PDLIM7: variants seen among roughly 807,000 people sequenced by gnomAD.
PDLIM7 encodes the protein PDZ and LIM domain protein 7.
Under a neutral mutation model 53.9 loss-of-function variants are expected in PDLIM7, and 37 were observed. The ratio of observed to expected loss-of-function variants is 0.69; its 90% CI spans 0.53 to 0.90. PDLIM7 has a LOEUF of 0.90. Among genes scored for constraint, PDLIM7 ranks in the 40% least tolerant of loss-of-function variants. PDLIM7 has a pLI of 0.00. For synonymous variants in PDLIM7, 300 were observed against 261.3 expected, an observed-to-expected ratio of 1.15 and a Z score of -1.43; for missense variants, 617 against 638.5, an observed-to-expected ratio of 0.97 and a Z score of 0.36.
chr5:177,486,837 T>C (rs1003724977), intron 10 of PDLIM7, among the ~76,000 whole-genome samples: 3 of 151,396 alleles, frequency 2.0e-5, no homozygotes, highest in Admixed American at 1.3e-4. Flanking sequence ...TTCACCGTGT[T>C]AGCCAGGATG....
chr5:177,490,661 G>A (rs1581758762), intron 7 of PDLIM7: 1 of 1,100,572 alleles, frequency 9.1e-7, no homozygotes, highest in South Asian at 1.4e-5. Flanking sequence ...CAGGGAGGGA[G>A]GAGGGAAGGA....
intron 6 of PDLIM7, 43 bp from the exon 7 acceptor site, chr5:177,490,949 T>C: frequency 6.2e-7 from 1 of 1,613,650 alleles, no homozygotes; most frequent in East Asian, 2.2e-5. Context: ...AGACACAGGG[T>C]CAGGGATCAC....
chr5:177,487,011 T>C (rs1758499529), intron 10 of PDLIM7, among the ~76,000 whole-genome samples: 1 of 125,638 alleles, frequency 8.0e-6, no homozygotes, highest in Non-Finnish European at 1.6e-5. Context: ...CTTGGCTCAC[T>C]GCAACCTCCA....
At position 177,484,941 on chromosome 5, in the gene PDLIM7, C is replaced by T. The variant is rs28690193; in HGVS notation, c.1051-751G>A. 476 of 153,326 alleles carry T rather than the reference C, an allele frequency of 3.1e-3. 1 individual carries two copies. Among genetic ancestry groups the T allele is most frequent in the African/African-American group, 0.011 (456 of 41,596 alleles). 9.5% of individuals were successfully genotyped at this position (153,326 alleles called of 1,614,324 possible). A position where few individuals can be genotyped will look rare whatever the true frequency, so the allele number is the denominator to read the frequency against. On this transcript the variant is annotated intron_variant, in intron 10 of 12. Transcript: ENST00000355841. ...CCCCTCTGCCTGGACTGCTCTGCCC[C>T]AGATATCTCTAGGCTCACCCCTCAC...
At position 177,483,464 on chromosome 5, in the gene PDLIM7, G is replaced by A; in HGVS notation, c.*180C>T. 1 of 585,986 alleles carries A rather than the reference G, an allele frequency of 1.7e-6. No homozygotes were observed. The highest frequency in any genetic ancestry group is 2.2e-5 in the South Asian group (1 of 45,566). The allele number at this position is 585,986 out of a possible 1,614,324, so 36.3% of individuals were successfully genotyped here. ...CTGGTGTGGCCAGCACCGGTGTGCT[G>A]TGGTGGTGGAGGGAGTGGGGTGGGA... On this transcript the variant is annotated 3_prime_UTR_variant, in exon 13 of 13. Coordinates refer to ENST00000355841, the MANE Select transcript of PDLIM7 (RefSeq NM_005451.5).
intron 4 of PDLIM7, chr5:177,492,154 G>A (rs1174993077): frequency 1.8e-5 from 11 of 608,722 alleles, no homozygotes; most frequent in Non-Finnish European, 3.2e-5. Context: ...GAGTGCGGGC[G>A]AGCACGCAGC....
intron 1 of PDLIM7, chr5:177,496,800 G>A: frequency 4.1e-6 from 1 of 244,512 alleles, no homozygotes; most frequent in Non-Finnish European, 7.9e-6. Flanking sequence ...AACCAGGGGT[G>A]GGCCGAGGGA....
intron 2 of PDLIM7, among the ~76,000 whole-genome samples, chr5:177,493,824 G>T (rs2127414742): frequency 6.6e-6 from 1 of 152,290 alleles, no homozygotes; most frequent in East Asian, 1.9e-4. Context: ...ACTGGGTGGG[G>T]GGGATCTGGG....
At chr5:177,492,314 T>TG in intron 4 of PDLIM7, 91 bp downstream of exon 4, 1 of 1,503,572 alleles carries the variant, frequency 6.7e-7, no homozygotes, top group Admixed American at 2.0e-5. Context: ...GGCCAGGGAT[T>TG]GGGGTACCGA....
chr5:177,491,187 GGCGGT>G, intron 5 of PDLIM7, 41 bp from the exon 6 acceptor site: 1 of 1,563,222 alleles, frequency 6.4e-7, no homozygotes, highest in Non-Finnish European at 8.7e-7. Flanking sequence ...ACTGGGGGTG[GGCGGT>G]GGGGGCAGCC....
intron 2 of PDLIM7, among the ~76,000 whole-genome samples, chr5:177,496,027 C>T (rs1003515642): frequency 3.3e-5 from 5 of 152,094 alleles, no homozygotes; most frequent in African/African-American, 7.2e-5. Flanking sequence ...ATTCCCTGGG[C>T]GGCAGTGAGG....
At chr5:177,497,078 C>G (rs942326287) in intron 1 of PDLIM7, among the ~76,000 whole-genome samples, 18 of 150,072 alleles carry the variant, frequency 1.2e-4, no homozygotes, top group Admixed American at 7.9e-4. Flanking sequence ...CTAGCCATTC[C>G]GGGACCAGTC....
chr5:177,488,480 G>C (rs976518362), intron 9 of PDLIM7, among the ~76,000 whole-genome samples: 3 of 152,244 alleles, frequency 2.0e-5, no homozygotes, highest in African/African-American at 4.8e-5. Flanking sequence ...CTTTAGAGCA[G>C]GGAGGACCCC....
chr5:177,492,347 G>A (rs1202431365), intron 4 of PDLIM7, 58 bp downstream of exon 4: 25 of 1,595,408 alleles, frequency 1.6e-5, no homozygotes, highest in Non-Finnish European at 1.8e-5. Context: ...AGGGCGAGCA[G>A]GCCTGGCCGT....
rs1481109907 is a variant in PDLIM7, at chr5:177,483,901, C to T, written c.1253G>A (p.Gly418Asp). ...DAGDRFLEAL[G>D]FSWHDTCFVC... ...GAAGCAGGTGTCATGCCAGCTGAAG[C>T]CCAGGGCCTCCAGGAAGCGGTCCCC... is the stretch of plus-strand genomic sequence containing the variant. Residue 418 changes from glycine to aspartate, a missense_variant, in exon 12 of 13, where the codon GGC becomes GAC. Physicochemically the swap from Gly to Asp is moderately conservative, Grantham distance 94. Coordinates refer to ENST00000355841, the MANE Select transcript of PDLIM7 (RefSeq NM_005451.5). 20 of 1,613,680 alleles carry T rather than the reference C, an allele frequency of 1.2e-5. No homozygotes were observed. The highest frequency in any genetic ancestry group is 1.6e-5 in the Non-Finnish European group (19 of 1,179,976).
chr5:177,495,983 T>TTC (rs1008975754), intron 2 of PDLIM7, among the ~76,000 whole-genome samples: 11 of 152,092 alleles, frequency 7.2e-5, no homozygotes, highest in Non-Finnish European at 1.6e-4. Context: ...CCATGAGTTC[T>TTC]TCTCTCATCT....
intron 10 of PDLIM7, among the ~76,000 whole-genome samples, chr5:177,486,670 G>C (rs548352428): frequency 2.0e-5 from 3 of 152,054 alleles, no homozygotes; most frequent in East Asian, 1.9e-4. Flanking sequence ...CAAGAGTCTC[G>C]CTCTGTCGCC....
At position 177,491,823 on chromosome 5, in the gene PDLIM7, C is replaced by T; in HGVS notation, c.382G>A (p.Ala128Thr). The change falls in exon 5 of 13, where the codon GCC becomes ACC. Residue 128 changes from alanine to threonine, a missense_variant. Ala to Thr is a moderately conservative substitution (Grantham distance 58). Coordinates refer to ENST00000355841, the MANE Select transcript of PDLIM7 (RefSeq NM_005451.5). ...PFGAPPPADS[A>T]PQQNGQPLRP... ...CCGACGTACCCATTCTGCTGCGGGGCGCTGTCAGCGGGCGGGGGCGCCCCA... is the reference window on the plus strand; with the variant it reads ...CCGACGTACCCATTCTGCTGCGGGGTGCTGTCAGCGGGCGGGGGCGCCCCA... The T allele has an allele frequency of 7.8e-7, 1 of 1,279,786 alleles. No homozygotes were observed. The highest frequency in any genetic ancestry group is 9.9e-7 in the Non-Finnish European group (1 of 1,008,348). The allele number at this position is 1,279,786 out of a possible 1,614,324, so 79.3% of individuals were successfully genotyped here.
In PDLIM7 at chr5:177,489,395, G is replaced by T; in HGVS notation, c.867C>A (p.Ile289=). The change falls in exon 9 of 13, where the codon ATC becomes ATA. Residue 289 remains isoleucine (I), a splice_region_variant and synonymous_variant. Coordinates refer to ENST00000355841, the MANE Select transcript of PDLIM7 (RefSeq NM_005451.5). The part of the protein sequence containing the change: ...TPVCHQCHKV[I]RGRYLVALGH... ...TCGGACAGGAACAGGCCACCCACCG[G>T]ATGACCTTGTGGCACTGGTGACACA... 1 of 1,573,474 alleles carries T rather than the reference G, an allele frequency of 6.4e-7. No homozygotes were observed. The highest frequency in any genetic ancestry group is 1.2e-5 in the South Asian group (1 of 85,610).
Sources: gnomAD v4.1 joint callset for allele counts (sites outside exome capture counted in the v4.1 genomes callset) on GRCh38, gnomAD v4.1.1 for gene constraint, MANE v1.5 for transcripts, NCBI Gene and HGNC (gene_info 2026-07-23, HGNC 2026-07-21) for gene names.